Variants in ANP32D observed in about 807,000 individuals in gnomAD.
ANP32D encodes the protein acidic nuclear phosphoprotein 32 family member D.
ANP32D carries 6 observed loss-of-function variants against 7.8 expected under a neutral mutation model. The ratio of observed to expected loss-of-function variants is 0.77; its 90% confidence interval spans 0.42 to 1.52. ANP32D has a LOEUF of 1.52. Among genes scored for constraint, ANP32D ranks in the 40% most tolerant of loss-of-function variants. The pLI is 0.01. For synonymous variants in ANP32D, 69 were observed against 59.7 expected, an observed-to-expected ratio of 1.16 and a Z score of -0.72; for missense variants, 163 against 145.9, an observed-to-expected ratio of 1.12 and a Z score of -0.60.
Position 48,473,513 on chromosome 12 carries a change from T to C in ANP32D, c.*453T>C. 1 of 389,184 alleles carries C rather than the reference T, an allele frequency of 2.6e-6. No homozygotes were observed. The highest frequency in any genetic ancestry group is 3.6e-5 in the Admixed American group (1 of 27,884). The allele number at this position is 389,184 out of a possible 1,614,324, so 24.1% of individuals were successfully genotyped here. ...TCCTGCCCCCTGAAACTTATTTTTTTCTGATTGTAACGTTGCTGTGGGAGC... is the reference window on the plus strand; with the variant it reads ...TCCTGCCCCCTGAAACTTATTTTTTCCTGATTGTAACGTTGCTGTGGGAGC... On this transcript the variant is annotated 3_prime_UTR_variant, in exon 1 of 1. Transcript: ENST00000266594.
Position 48,472,611 on chromosome 12 carries a change from G to T in ANP32D, c.-54G>T. On this transcript the variant is annotated 5_prime_UTR_variant, in exon 1 of 1. Coordinates refer to ENST00000266594, the MANE Select transcript of ANP32D (RefSeq NM_012404.3). ...TCAAATGTGCGGTTGTGGGTTCGGG[G>T]TTTATTGGTTGAATTCCGCTGGCTC... 5.6e-6 allele frequency: 9 copies of T among 1,606,234 alleles called. No individual in the cohort carries two copies. The highest frequency in any genetic ancestry group is 4.2e-6 in the Non-Finnish European group (5 of 1,176,510).
rs1403543938 is a variant in ANP32D, at chr12:48,473,082, C to T, written c.*22C>T. 14 of 1,613,918 alleles carry T rather than the reference C, an allele frequency of 8.7e-6. No individual in the cohort carries two copies. The highest frequency in any genetic ancestry group is 3.3e-5 in the Admixed American group (2 of 59,986). On this transcript the variant is annotated 3_prime_UTR_variant, in exon 1 of 1. Transcript: ENST00000266594. ...CTGAGAAAAGATGTTCAAGCTCCTCCTGCAACTCACATATCTCAACGGCTG... is the reference window on the plus strand; with the variant it reads ...CTGAGAAAAGATGTTCAAGCTCCTCTTGCAACTCACATATCTCAACGGCTG...
At position 48,472,801 on chromosome 12, in the gene ANP32D, T is replaced by C; in HGVS notation, c.137T>C (p.Leu46Ser). Residue 46 changes from leucine to serine, a missense_variant, in exon 1 of 1, where the codon TTA (leucine) becomes TCA (serine). By Grantham distance (145) the Leu-to-Ser change is moderately radical. Coordinates refer to ENST00000266594, the MANE Select transcript of ANP32D (RefSeq NM_012404.3). ...GLTDEFEELE[L>S]LNTINIGLTS... ...ACAGATGAATTTGAAGAACTGGAATTATTAAATACAATCAACATAGGCCTC... is the reference window on the plus strand; with the variant it reads ...ACAGATGAATTTGAAGAACTGGAATCATTAAATACAATCAACATAGGCCTC... 1.2e-6 allele frequency: 2 copies of C among 1,614,146 alleles called. No homozygotes were observed. Among genetic ancestry groups the C allele is most frequent in the South Asian group, 1.1e-5 (1 of 91,078 alleles).
chr12:48,473,238 G>C lies in ANP32D; in HGVS notation c.*178G>C. The C allele has an allele frequency of 8.9e-7, 1 of 1,122,172 alleles. No individual in the cohort carries two copies. The highest frequency in any genetic ancestry group is 1.3e-6 in the Non-Finnish European group (1 of 747,664). 69.5% of individuals were successfully genotyped at this position (1,122,172 alleles called of 1,614,324 possible). On this transcript the variant is annotated 3_prime_UTR_variant, in exon 1 of 1. Coordinates refer to ENST00000266594, the MANE Select transcript of ANP32D (RefSeq NM_012404.3). ...TCAGGTAATGGAAGATGAGGAGGAC[G>C]AGGATGAGGAGGAGGAACGTGAAGA...
At position 48,473,462 on chromosome 12, in the gene ANP32D, T is replaced by G; in HGVS notation, c.*402T>G. On this transcript the variant is annotated 3_prime_UTR_variant, in exon 1 of 1. Transcript: ENST00000266594. ...ATTCCTTTTGTGATTTTACTGTTTT[T>G]AGCCGTATCCCCTCCCCCACTCCAA... is the stretch of plus-strand genomic sequence containing the variant. The G allele has an allele frequency of 1.9e-6, 1 of 522,784 alleles. No homozygotes were observed. Among genetic ancestry groups the G allele is most frequent in the Non-Finnish European group, 3.5e-6 (1 of 286,390 alleles). The allele number at this position is 522,784 out of a possible 1,614,324, so 32.4% of individuals were successfully genotyped here.
rs150406578 is a variant in ANP32D, at chr12:48,472,650, G to A, written c.-15G>A. ...TTCCGCTGGCTCAGGAGCCTCTGCA[G>A]AGAAAGCGTGAGAGATGGAGATGGG... On this transcript the variant is annotated 5_prime_UTR_variant, in exon 1 of 1. Coordinates refer to ENST00000266594, the MANE Select transcript of ANP32D (RefSeq NM_012404.3). 396 of 1,614,008 alleles carry A rather than the reference G, an allele frequency of 2.5e-4. No individual in the cohort carries two copies. The African/African-American group carries it at 4.4e-3, about 18-fold the overall frequency.
chr12:48,473,113 C>T lies in ANP32D; in HGVS notation c.*53C>T, dbSNP rs777593651. 49 of 1,612,518 alleles carry T rather than the reference C, an allele frequency of 3.0e-5. No homozygotes were observed. The highest frequency in any genetic ancestry group is 1.6e-4 in the East Asian group (7 of 44,876). ...CTCACATATCTCAACGGCTGTGACCCGGATGACAAGGAGGCCCCTAACTCG... is the reference window on the plus strand; with the variant it reads ...CTCACATATCTCAACGGCTGTGACCTGGATGACAAGGAGGCCCCTAACTCG... On this transcript the variant is annotated 3_prime_UTR_variant, in exon 1 of 1. Transcript: ENST00000266594.
Position 48,473,146 on chromosome 12 carries a change from A to G in ANP32D, c.*86A>G. The G allele has an allele frequency of 4.4e-6, 7 of 1,593,608 alleles. No individual in the cohort carries two copies. Among genetic ancestry groups the G allele is most frequent in the Non-Finnish European group, 6.0e-6 (7 of 1,162,386 alleles). ...AAGGAGGCCCCTAACTCGGATGGTG[A>G]GGGCTTTGTGGAGTGCCTGGATGAC... On this transcript the variant is annotated 3_prime_UTR_variant, in exon 1 of 1. Transcript: ENST00000266594.
In ANP32D at chr12:48,473,012, G is replaced by A. The variant is rs775401523; in HGVS notation, c.348G>A (p.Glu116=). The A allele has an allele frequency of 6.2e-7, 1 of 1,614,070 alleles. No individual in the cohort carries two copies. The highest frequency in any genetic ancestry group is 8.5e-7 in the Non-Finnish European group (1 of 1,180,024). ...CCCTGAAAAAGTTAGAAAACCTCGA[G>A]AGCTTAGACCTTTTCACTTGCGAGG... ...IEPLKKLENL[E]SLDLFTCEVT... Residue 116 remains glutamate, a synonymous_variant, in exon 1 of 1, where the codon GAG becomes GAA. Transcript: ENST00000266594.
At chr12:48,472,831 C>A in the ANP32D span, 3 of 1,614,098 alleles carry the variant, frequency 1.9e-6, no homozygotes, top group South Asian at 3.3e-5. Context: ...GGCCTCACCT[C>A]AATTGCAAAC....
Position 48,472,606 on chromosome 12 carries a change from TC to T in ANP32D, c.-58del. On this transcript the variant is annotated 5_prime_UTR_variant, in exon 1 of 1. The change creates a premature stop within an existing upstream ORF in the 5' untranslated region. Transcript: ENST00000266594. ...AGCTTTCAAATGTGCGGTTGTGGGT[TC>T]GGGGTTTATTGGTTGAATTCCGCTG... 6.2e-7 allele frequency: 1 copy of T among 1,600,616 alleles called. No individual in the cohort carries two copies. Among genetic ancestry groups the T allele is most frequent in the East Asian group, 2.2e-5 (1 of 44,808 alleles).
Position 48,472,593 on chromosome 12 carries a change from T to C in ANP32D, c.-72T>C. The C allele has an allele frequency of 6.4e-7, 1 of 1,572,056 alleles. No homozygotes were observed. Among genetic ancestry groups the C allele is most frequent in the Non-Finnish European group, 8.7e-7 (1 of 1,155,406 alleles). On this transcript the variant is annotated 5_prime_UTR_variant, in exon 1 of 1. Coordinates refer to ENST00000266594, the MANE Select transcript of ANP32D (RefSeq NM_012404.3). Reference sequence around the variant, plus strand: ...GCAGAGCTGGTTGAGCTTTCAAATGTGCGGTTGTGGGTTCGGGGTTTATTG... The same window carrying C: ...GCAGAGCTGGTTGAGCTTTCAAATGCGCGGTTGTGGGTTCGGGGTTTATTG...
At position 48,472,760 on chromosome 12, in the gene ANP32D, C is replaced by G; in HGVS notation, c.96C>G (p.Gly32=). 6.2e-7 allele frequency: 1 copy of G among 1,614,138 alleles called. No homozygotes were observed. Among genetic ancestry groups the G allele is most frequent in the Admixed American group, 1.7e-5 (1 of 60,024 alleles). ...LFLDNSQSNE[G]KLEGLTDEFE... is the part of the protein sequence containing the mutation. ...TGGACAACAGTCAGTCAAATGAAGG[C>G]AAATTGGAAGGCCTCACAGATGAAT... Residue 32 remains glycine, a synonymous_variant, in exon 1 of 1, where the codon GGC becomes GGG. Transcript: ENST00000266594.
In ANP32D at chr12:48,473,128, C is replaced by A; in HGVS notation, c.*68C>A. On this transcript the variant is annotated 3_prime_UTR_variant, in exon 1 of 1. Coordinates refer to ENST00000266594, the MANE Select transcript of ANP32D (RefSeq NM_012404.3). The stretch of plus-strand genomic sequence containing the variant: ...GGCTGTGACCCGGATGACAAGGAGG[C>A]CCCTAACTCGGATGGTGAGGGCTTT... The A allele has an allele frequency of 6.2e-7, 1 of 1,608,688 alleles. No individual in the cohort carries two copies. Among genetic ancestry groups the A allele is most frequent in the Non-Finnish European group, 8.5e-7 (1 of 1,175,830 alleles).
Position 48,473,273 on chromosome 12 carries a change from G to C in ANP32D, c.*213G>C. ...AGGAGGAACGTGAAGAGGAGGACGTGAGTGGAGACGAGGAGGAGAAGGATG... is the reference window on the plus strand; with the variant it reads ...AGGAGGAACGTGAAGAGGAGGACGTCAGTGGAGACGAGGAGGAGAAGGATG... On this transcript the variant is annotated 3_prime_UTR_variant, in exon 1 of 1. Coordinates refer to ENST00000266594, the MANE Select transcript of ANP32D (RefSeq NM_012404.3). The C allele has an allele frequency of 9.4e-7, 1 of 1,068,340 alleles. No individual in the cohort carries two copies. 66.2% of individuals were successfully genotyped at this position (1,068,340 alleles called of 1,614,324 possible).
In ANP32D at chr12:48,472,880, C is replaced by G; in HGVS notation, c.216C>G (p.Ser72Arg). ...KLNKLKKLEL[S>R]SNRASVGLEV... is the part of the protein sequence containing the mutation. ...ACAAACTTAAGAAGCTTGAACTAAG[C>G]AGTAACAGAGCCTCAGTGGGCCTAG... The change falls in exon 1 of 1, where the codon AGC (serine) becomes AGG (arginine). Residue 72 changes from serine to arginine, a missense_variant. By Grantham distance (110) the Ser-to-Arg change is moderately radical. Coordinates refer to ENST00000266594, the MANE Select transcript of ANP32D (RefSeq NM_012404.3). 1 of 1,614,124 alleles carries G rather than the reference C, an allele frequency of 6.2e-7. No homozygotes were observed. Among genetic ancestry groups the G allele is most frequent in the South Asian group, 1.1e-5 (1 of 91,076 alleles).
At position 48,472,919 on chromosome 12, in the gene ANP32D, A is replaced by G; in HGVS notation, c.255A>G (p.Glu85=). The G allele has an allele frequency of 2.5e-6, 4 of 1,614,212 alleles. No individual in the cohort carries two copies. Among genetic ancestry groups the G allele is most frequent in the Non-Finnish European group, 3.4e-6 (4 of 1,180,030 alleles). ...CAGTGGGCCTAGAAGTATTGGCAGA[A>G]AAGTGTCCAAACCTCATACATCTAA... is the stretch of plus-strand genomic sequence containing the variant. ...RASVGLEVLA[E]KCPNLIHLNL... is the part of the protein sequence containing the mutation. The change falls in exon 1 of 1, where the codon GAA becomes GAG. Residue 85 remains glutamate (E), a synonymous_variant. Coordinates refer to ENST00000266594, the MANE Select transcript of ANP32D (RefSeq NM_012404.3).
chr12:48,473,413 A>C lies in ANP32D; in HGVS notation c.*353A>C. 9.7e-6 allele frequency: 7 copies of C among 723,600 alleles called. No homozygotes were observed. The South Asian group carries it at 1.1e-4, about 11-fold the overall frequency. The allele number at this position is 723,600 out of a possible 1,614,324, so 44.8% of individuals were successfully genotyped here. ...GAAGATGAGGGAGAAGACGATGCCTAAGTGGAATAATCTATTTTGAAAAAT... is the reference window on the plus strand; with the variant it reads ...GAAGATGAGGGAGAAGACGATGCCTCAGTGGAATAATCTATTTTGAAAAAT... On this transcript the variant is annotated 3_prime_UTR_variant, in exon 1 of 1. Coordinates refer to ENST00000266594, the MANE Select transcript of ANP32D (RefSeq NM_012404.3).
At position 48,473,186 on chromosome 12, in the gene ANP32D, G is replaced by A. The variant is rs1954096083; in HGVS notation, c.*126G>A. 7.2e-7 allele frequency: 1 copy of A among 1,392,456 alleles called. No homozygotes were observed. Among genetic ancestry groups the A allele is most frequent in the East Asian group, 2.3e-5 (1 of 43,474 alleles). 86.3% of individuals were successfully genotyped at this position (1,392,456 alleles called of 1,614,324 possible). A position where few individuals can be genotyped will look rare whatever the true frequency, so the allele number is the denominator to read the frequency against. On this transcript the variant is annotated 3_prime_UTR_variant, in exon 1 of 1. Coordinates refer to ENST00000266594, the MANE Select transcript of ANP32D (RefSeq NM_012404.3). ...GCCTGGATGACAAGGAGGAGGATGA[G>A]GATGAGGAGGAGTATGATGAAGATG...
Sources: allele counts gnomAD v4.1 joint callset, GRCh38; gene constraint gnomAD v4.1.1; transcripts MANE v1.5; gene names NCBI Gene and HGNC (gene_info 2026-07-23, HGNC 2026-07-21).